The following COX16 variants were observed in gnomAD, a reference collection of about 807,000 sequenced individuals.
The protein encoded by COX16 is cytochrome c oxidase assembly factor COX16, also known as cytochrome c oxidase assembly protein COX16 homolog, mitochondrial.
COX16 carries 12 observed loss-of-function variants against 15.4 expected under a neutral mutation model. The ratio of observed to expected loss-of-function variants is 0.78; its 90% CI spans 0.50 to 1.26. The LOEUF (loss-of-function observed/expected upper bound fraction) is 1.26. COX16 is among the 50% of genes most tolerant of loss of function. The pLI, the probability that COX16 is intolerant of heterozygous loss-of-function variation, is 0.00. For synonymous variants in COX16, 46 were observed against 41.1 expected, an observed-to-expected ratio of 1.12 and a Z score of -0.46; for missense variants, 124 against 127.6, an observed-to-expected ratio of 0.97 and a Z score of 0.14.
intron 1 of COX16, among the ~76,000 whole-genome samples, chr14:70,348,569 C>T (rs1481495627): frequency 6.6e-6 from 1 of 152,044 alleles, no homozygotes; most frequent in Non-Finnish European, 1.5e-5. Flanking sequence ...TATAGTGTCA[C>T]CCCCTCACAC....
intron 2 of COX16, among the ~76,000 whole-genome samples, chr14:70,333,792 A>C (rs1164292742): frequency 1.3e-5 from 2 of 152,198 alleles, no homozygotes; most frequent in Non-Finnish European, 2.9e-5. Flanking sequence ...TTATAATCAA[A>C]CTCTCAAACA....
In COX16 at chr14:70,359,573, C is replaced by T. The variant is rs544912502; in HGVS notation, c.15G>A (p.Ala5=). 1.9e-6 allele frequency: 3 copies of T among 1,614,052 alleles called. No individual in the cohort carries two copies. Among genetic ancestry groups the T allele is most frequent in the South Asian group, 1.1e-5 (1 of 91,076 alleles). ...TGTTCTTGCGAAAAGCACGCATCACCGCGGGTGCAAACATGAGTGAACTCT... is the reference window on the plus strand; with the variant it reads ...TGTTCTTGCGAAAAGCACGCATCACTGCGGGTGCAAACATGAGTGAACTCT... The part of the protein sequence containing the change: MFAP[A]VMRAFRKNKT... Residue 5 remains alanine, a synonymous_variant, in exon 1 of 4, where the codon GCG becomes GCA. Coordinates refer to ENST00000389912, the MANE Select transcript of COX16 (RefSeq NM_016468.7).
intron 2 of COX16, among the ~76,000 whole-genome samples, chr14:70,333,057 C>A (rs898161124): frequency 2.0e-5 from 3 of 152,210 alleles, no homozygotes; most frequent in African/African-American, 7.2e-5. Flanking sequence ...TCAGGGAAGA[C>A]AACAGTCAGT....
intron 1 of COX16, among the ~76,000 whole-genome samples, chr14:70,350,826 T>C (rs1407285073): frequency 6.6e-6 from 1 of 152,222 alleles, no homozygotes; most frequent in African/African-American, 2.4e-5. Flanking sequence ...TTTAGGTCAA[T>C]TTGCTATCTT....
chr14:70,353,177 C>T (rs1887013298), intron 1 of COX16, among the ~76,000 whole-genome samples: 1 of 149,076 alleles, frequency 6.7e-6, no homozygotes, highest in African/African-American at 2.5e-5. Flanking sequence ...AGGAGAATCG[C>T]TTGAATCTGG....
At position 70,326,407 on chromosome 14, in the gene COX16, C is replaced by A; in HGVS notation, c.247G>T (p.Gly83Ter). 6.3e-7 allele frequency: 1 copy of A among 1,596,464 alleles called. No individual in the cohort carries two copies. Among genetic ancestry groups the A allele is most frequent in the Non-Finnish European group, 8.5e-7 (1 of 1,171,652 alleles). ...TCAGGATCTTCCCAAGGCCTGGGTC[C>A]TCGAATATTCTTCCAGTCATCAAAC... is the stretch of plus-strand genomic sequence containing the variant. ...SKFDDWKNIRGPRPWEDPDLL... is the reference protein window; with the variant it reads ...SKFDDWKNIR The change falls in exon 4 of 4, where the codon GGA (glycine) becomes TGA (stop). Residue 83 changes from glycine (G) to a stop codon, truncating the protein, a stop_gained. Coordinates refer to ENST00000389912, the MANE Select transcript of COX16 (RefSeq NM_016468.7). LOFTEE classifies it high-confidence loss of function.
At chr14:70,354,841 C>CGTGCGTGCGTGTGTGT (rs144038416) in intron 1 of COX16, among the ~76,000 whole-genome samples, 3 of 148,880 alleles carry the variant, frequency 2.0e-5, no homozygotes, top group African/African-American at 7.5e-5. Context: ...TGTGTGTGTG[C>CGTGCGTGCGTGTGTGT]GTGTGTGTGT....
intron 1 of COX16, among the ~76,000 whole-genome samples, chr14:70,349,114 T>C (rs1165890020): frequency 1.3e-5 from 2 of 152,210 alleles, no homozygotes; most frequent in East Asian, 1.9e-4. Context: ...ACACTTTCCA[T>C]GTTGGTTACA....
At chr14:70,334,311 T>C (rs1379958121) in intron 2 of COX16, among the ~76,000 whole-genome samples, 1 of 152,070 alleles carries the variant, frequency 6.6e-6, no homozygotes, top group African/African-American at 2.4e-5. Flanking sequence ...TCACTTGAGG[T>C]CAGGAGTTCA....
intron 3 of COX16, among the ~76,000 whole-genome samples, chr14:70,327,928 G>A (rs1886134342): frequency 6.6e-6 from 1 of 152,038 alleles, no homozygotes; most frequent in Admixed American, 6.6e-5. Flanking sequence ...AAGAAATGCT[G>A]AGAAAAAACA....
chr14:70,330,064 C>T (rs948497982), intron 2 of COX16, among the ~76,000 whole-genome samples: 1 of 152,096 alleles, frequency 6.6e-6, no homozygotes, highest in African/African-American at 2.4e-5. Context: ...GAATTCACCA[C>T]TACATAGCAA....
chr14:70,340,791 C>T (rs1332754971), intron 2 of COX16, among the ~76,000 whole-genome samples: 1 of 152,188 alleles, frequency 6.6e-6, no homozygotes, highest in Non-Finnish European at 1.5e-5. Context: ...TAAGTCATTT[C>T]TATCATTTAG....
At chr14:70,328,575 T>A (rs1331431459) in intron 3 of COX16, among the ~76,000 whole-genome samples, 1 of 151,204 alleles carries the variant, frequency 6.6e-6, no homozygotes, top group Non-Finnish European at 1.5e-5. Flanking sequence ...ACTTTGACAT[T>A]CCTATTATGA....
Position 70,326,315 on chromosome 14 carries a change from A to G in COX16, c.*18T>C, listed in dbSNP as rs1451128251. 4 of 1,443,866 alleles carry G rather than the reference A, an allele frequency of 2.8e-6. No individual in the cohort carries two copies. The highest frequency in any genetic ancestry group is 3.0e-5 in the South Asian group (2 of 66,702). 89.4% of individuals were successfully genotyped at this position (1,443,866 alleles called of 1,614,324 possible). ...TTTTTATTTAAAAAAAAAAAAAAGG[A>G]AAAAAGAATCAGCAGAGTCAAGTTG... is the stretch of plus-strand genomic sequence containing the variant. On this transcript the variant is annotated 3_prime_UTR_variant, in exon 4 of 4. Transcript: ENST00000389912.
chr14:70,338,809 C>T (rs1385522876), intron 2 of COX16, among the ~76,000 whole-genome samples: 1 of 152,118 alleles, frequency 6.6e-6, no homozygotes, highest in Non-Finnish European at 1.5e-5. Context: ...CCTGCCTCAT[C>T]GTGGACCTGT....
chr14:70,346,009 T>C (rs756348702), intron 1 of COX16, among the ~76,000 whole-genome samples: 1 of 152,048 alleles, frequency 6.6e-6, no homozygotes, highest in African/African-American at 2.4e-5. Flanking sequence ...AATTCTAGTA[T>C]TGCCTGTACC....
chr14:70,351,371 A>G (rs1029655617), intron 1 of COX16, among the ~76,000 whole-genome samples: 5 of 152,256 alleles, frequency 3.3e-5, no homozygotes, highest in Non-Finnish European at 7.3e-5. Context: ...TAAAGCATTA[A>G]TTTAGAGATA....
At chr14:70,330,220 A>G (rs1004936189) in intron 2 of COX16, among the ~76,000 whole-genome samples, 3 of 152,176 alleles carry the variant, frequency 2.0e-5, no homozygotes, top group Admixed American at 1.3e-4. Flanking sequence ...CAAATTCTAT[A>G]GGCAATAAAG....
At chr14:70,326,933 A>G (rs539813112) in intron 3 of COX16, among the ~76,000 whole-genome samples, 4 of 152,338 alleles carry the variant, frequency 2.6e-5, no homozygotes, top group East Asian at 3.9e-4. Flanking sequence ...TCCTACAGCT[A>G]TCTATCATAA....
Sources: allele counts gnomAD v4.1 joint callset (sites outside exome capture counted in the v4.1 genomes callset), GRCh38; gene constraint gnomAD v4.1.1; transcripts MANE v1.5; gene names NCBI Gene and HGNC (gene_info 2026-07-23, HGNC 2026-07-21).